The following LPXN variants were observed in gnomAD, a reference collection of about 807,000 sequenced individuals.
LPXN encodes the protein leupaxin.
LPXN carries 28 observed loss-of-function variants against 45.6 expected under a neutral mutation model. The ratio of observed to expected loss-of-function variants is 0.61; its 90% CI spans 0.45 to 0.84. The LOEUF is 0.84. Ranked by LOEUF, LPXN falls within the 40% of genes least tolerant of loss-of-function variation. The pLI, the probability that LPXN is intolerant of heterozygous loss-of-function variation, is 0.00. For missense variants in LPXN, 459 were observed against 475.0 expected (o/e 0.97, Z 0.31); for synonymous variants, 166 against 169.9 (o/e 0.98, Z 0.18).
At chr11:58,546,508 A>G (rs1853880039) in intron 7 of LPXN, among the ~76,000 whole-genome samples, 1 of 152,150 alleles carries the variant, frequency 6.6e-6, no homozygotes, top group African/African-American at 2.4e-5. Flanking sequence ...CCATTCCCCC[A>G]TCCCCTTTTT....
Position 58,533,125 on chromosome 11 carries a change from AT to A in LPXN, c.743-4935del, listed in dbSNP as rs542893339. Among the ~76,000 whole-genome samples, 711 of 152,332 alleles carry A rather than the reference AT, an allele frequency of 4.7e-3. 5 individuals are homozygous for A. The highest frequency in any genetic ancestry group is 0.016 in the African/African-American group (673 of 41,580). ...GAAGAAACTCCGAACATGTCTGAAC[AT>A]CAGAAGGAACAAACTCCGGACACAC... On this transcript the variant is annotated intron_variant, in intron 7 of 8. Transcript: ENST00000395074.
chr11:58,555,753 C>T (rs995464367), intron 3 of LPXN, among the ~76,000 whole-genome samples: 5 of 105,150 alleles, frequency 4.8e-5, no homozygotes, highest in African/African-American at 1.6e-4. Context: ...CACACACACA[C>T]ACACTCACAC....
intron 7 of LPXN, among the ~76,000 whole-genome samples, chr11:58,531,359 A>G (rs1411801840): frequency 6.6e-6 from 1 of 152,100 alleles, no homozygotes; most frequent in African/African-American, 2.4e-5. Context: ...AGAGAAGAAC[A>G]TACATGACCT....
chr11:58,569,906 A>G (rs1854633889), intron 2 of LPXN, among the ~76,000 whole-genome samples: 1 of 152,156 alleles, frequency 6.6e-6, no homozygotes, highest in South Asian at 2.1e-4. Flanking sequence ...CCTGAGTACC[A>G]TTCCAGTCAA....
chr11:58,532,264 C>T (rs1433238022), intron 7 of LPXN, among the ~76,000 whole-genome samples: 6 of 152,242 alleles, frequency 3.9e-5, no homozygotes, highest in Non-Finnish European at 5.9e-5. Context: ...GCCTCCCCGA[C>T]AGGTGCTGCC....
upstream of LPXN, chr11:58,575,883 A>G (rs1854873788): frequency 1.0e-5 from 16 of 1,597,972 alleles, no homozygotes; most frequent in South Asian, 1.6e-4. Context: ...GGCAGCCTCT[A>G]TAAACCTTTT....
At chr11:58,557,604 A>G (rs1045226903) in intron 3 of LPXN, among the ~76,000 whole-genome samples, 1 of 152,186 alleles carries the variant, frequency 6.6e-6, no homozygotes, top group African/African-American at 2.4e-5. Context: ...CAGATATGTA[A>G]GATGAACAAG....
chr11:58,555,793 C>G (rs1854186058), intron 3 of LPXN, among the ~76,000 whole-genome samples: 1 of 149,570 alleles, frequency 6.7e-6, no homozygotes, highest in African/African-American at 2.5e-5. Context: ...CACACACACG[C>G]CTTTGGGAGT....
intron 3 of LPXN, among the ~76,000 whole-genome samples, chr11:58,558,252 A>G (rs1260593905): frequency 1.3e-5 from 2 of 151,928 alleles, no homozygotes; most frequent in African/African-American, 4.8e-5. Flanking sequence ...ATGTTGGTAA[A>G]GAAGATAGGG....
chr11:58,538,217 G>A (rs1043123082), intron 7 of LPXN, among the ~76,000 whole-genome samples: 3 of 152,100 alleles, frequency 2.0e-5, no homozygotes, highest in African/African-American at 7.2e-5. Context: ...ATTGTGAATA[G>A]TGCCGCCATA....
At chr11:58,544,786 CA>C (rs979453205) in intron 7 of LPXN, among the ~76,000 whole-genome samples, 70 of 152,136 alleles carry the variant, frequency 4.6e-4, no homozygotes, top group African/African-American at 1.6e-3. Context: ...CTCTTAGCCA[CA>C]GGGGAAATTA....
At position 58,550,166 on chromosome 11, in the gene LPXN, C is replaced by T; in HGVS notation, c.487-20G>A. The T allele has an allele frequency of 1.2e-6, 2 of 1,606,494 alleles. No homozygotes were observed. The highest frequency in any genetic ancestry group is 1.7e-6 in the Non-Finnish European group (2 of 1,173,526). Reference sequence around the variant, plus strand: ...GATCACCTGTGGAGTGAAATAAAGCCTGACACAGGAGGCCAGTTGAGTGCT... The same window carrying T: ...GATCACCTGTGGAGTGAAATAAAGCTTGACACAGGAGGCCAGTTGAGTGCT... On this transcript the variant is annotated intron_variant, in intron 5 of 8. Coordinates refer to ENST00000395074, the MANE Select transcript of LPXN (RefSeq NM_004811.3).
chr11:58,575,618 G>T, intron 1 of LPXN, 142 bp downstream of exon 1: 2 of 968,320 alleles, frequency 2.1e-6, no homozygotes, highest in South Asian at 1.4e-5. Context: ...CTTCACTCTT[G>T]GCAGGGCTGA....
intron 3 of LPXN, among the ~76,000 whole-genome samples, chr11:58,560,663 A>G (rs1854346485): frequency 6.6e-6 from 1 of 152,204 alleles, no homozygotes; most frequent in Admixed American, 6.5e-5. Context: ...TAAATCTTTT[A>G]TAATAACAAC....
chr11:58,538,239 G>C (rs888583474), intron 7 of LPXN, among the ~76,000 whole-genome samples: 4 of 152,282 alleles, frequency 2.6e-5, no homozygotes, highest in African/African-American at 9.6e-5. Context: ...ACATACGTGT[G>C]CATGTGTCTT....
rs1318542872 is a variant in LPXN at position 58,575,639 on chromosome 11, G to T, written c.13+121C>A. ...TCTTGGCAGGGCTGAGGACAGGAAA[G>T]AAGTGAAAATAAAATCTTCCATTAC... On this transcript the variant is annotated intron_variant, in intron 1 of 8. Transcript: ENST00000395074. 8.0e-6 allele frequency: 9 copies of T among 1,123,974 alleles called. No homozygotes were observed. In the East Asian group the frequency reaches 1.9e-4, roughly 23 times the overall value. 69.6% of individuals were successfully genotyped at this position (1,123,974 alleles called of 1,614,324 possible). A position where few individuals can be genotyped will look rare whatever the true frequency, so the allele number is the denominator to read the frequency against.
intron 7 of LPXN, among the ~76,000 whole-genome samples, chr11:58,534,606 A>G (rs1234439863): frequency 6.6e-6 from 1 of 152,206 alleles, no homozygotes. Context: ...AAATCACATT[A>G]AAAGAACTAG....
In LPXN at chr11:58,527,737, AAG is replaced by A. The variant is rs774101252; in HGVS notation, c.892-16_892-15del. 67 of 1,606,876 alleles carry A rather than the reference AAG, an allele frequency of 4.2e-5. No individual in the cohort carries two copies. The highest frequency in any genetic ancestry group is 1.8e-4 in the Admixed American group (11 of 59,494). Reference sequence around the variant, plus strand: ...GGTGAAGCAGTCCTGGGGTAGAGAGAAGAGAGAGAAAAAGAATGCAAATGTCA... The same window carrying A: ...GGTGAAGCAGTCCTGGGGTAGAGAGAAGAGAGAAAAAGAATGCAAATGTCA... On this transcript the variant is annotated splice_polypyrimidine_tract_variant and intron_variant, in intron 8 of 8. Coordinates refer to ENST00000395074, the MANE Select transcript of LPXN (RefSeq NM_004811.3).
chr11:58,529,025 C>CTA (rs1853309788), intron 7 of LPXN, among the ~76,000 whole-genome samples: 1 of 151,974 alleles, frequency 6.6e-6, no homozygotes, highest in Non-Finnish European at 1.5e-5. Flanking sequence ...TCCCGAAAGG[C>CTA]TAATGATACT....
Sources: allele counts gnomAD v4.1 joint callset (sites outside exome capture counted in the v4.1 genomes callset), GRCh38; gene constraint gnomAD v4.1.1; transcripts MANE v1.5; gene names NCBI Gene and HGNC (gene_info 2026-07-23, HGNC 2026-07-21).